Variants in DAB1 observed in about 807,000 individuals in gnomAD.
The protein encoded by DAB1 is DAB adaptor protein 1.
DAB1 carries 15 observed loss-of-function variants against 64.6 expected under a neutral mutation model. The ratio of observed to expected loss-of-function variants is 0.23; its 90% CI spans 0.16 to 0.36. The LOEUF (loss-of-function observed/expected upper bound fraction) is 0.36, where lower values mean the gene tolerates loss of function less well. Ranked by LOEUF, DAB1 falls within the 10% of genes least tolerant of loss-of-function variation. The probability of loss-of-function intolerance (pLI) is 1.00; values close to 1 mark genes in which losing one functional copy is unlikely to be tolerated. For synonymous variants in DAB1, 235 were observed against 251.9 expected (o/e 0.93, Z 0.64); for missense variants, 596 against 706.7 (o/e 0.84, Z 1.78).
At chr1:57,714,440 G>A (rs374574894) in intron 6 of DAB1, among the ~76,000 whole-genome samples, 3 of 152,288 alleles carry the variant, frequency 2.0e-5, no homozygotes, top group East Asian at 1.9e-4. Flanking sequence ...GAACCTCAGG[G>A]TGATAATAGT....
intron 7 of DAB1, among the ~76,000 whole-genome samples, chr1:57,518,188 G>GTCGTCA (rs1644485020): frequency 6.6e-6 from 1 of 151,484 alleles, no homozygotes; most frequent in Non-Finnish European, 1.5e-5. Flanking sequence ...TGTCGTTGTC[G>GTCGTCA]TCATCATCAT....
At chr1:57,527,665 A>T (rs1644609336) in intron 7 of DAB1, among the ~76,000 whole-genome samples, 1 of 152,206 alleles carries the variant, frequency 6.6e-6, no homozygotes. Flanking sequence ...ATTTGCACAG[A>T]GCACTGTGCT....
intron 1 of DAB1, chr1:57,864,381 A>T (rs1297468665): frequency 2.6e-5 from 4 of 152,222 alleles, no homozygotes; most frequent in Non-Finnish European, 5.9e-5. Context: ...TGCTTAGAGC[A>T]ACTCCATAAG....
chr1:58,269,165 T>A (rs12747523), intron 4 of DAB1, among the ~76,000 whole-genome samples: 2 of 99,152 alleles, frequency 2.0e-5, no homozygotes, highest in African/African-American at 6.9e-5. Flanking sequence ...CCCTCCCCCC[T>A]CCCCCGACCC....
chr1:58,323,488 C>T lies in DAB1; in HGVS notation n.309+19864G>A, dbSNP rs116251180. ...GTAAGCTTTAAATTAACTTAGACAT[C>T]CACGGAAAGGCCTCCTTAAGAGGCA... On this transcript the variant is annotated intron_variant and non_coding_transcript_variant, in intron 4 of 20. Transcript: ENST00000485760. 2.1e-3 allele frequency among the ~76,000 whole-genome samples: 312 copies of T among 152,134 alleles called. 1 individual carries two copies. Among genetic ancestry groups the T allele is most frequent in the African/African-American group, 7.4e-3 (306 of 41,488 alleles).
At chr1:57,985,757 C>T (rs951973998) in intron 5 of DAB1, among the ~76,000 whole-genome samples, 4 of 151,952 alleles carry the variant, frequency 2.6e-5, no homozygotes, top group East Asian at 1.9e-4. Context: ...GACCTAATAG[C>T]GGAGAAAATA....
At chr1:58,532,805 T>C (rs1483634695) in intron 1 of DAB1, among the ~76,000 whole-genome samples, 1 of 152,188 alleles carries the variant, frequency 6.6e-6, no homozygotes, top group Non-Finnish European at 1.5e-5. Context: ...GGATTACAGG[T>C]ATAAGCCACT....
At chr1:58,534,219 G>C in intron 1 of DAB1, 1 of 871,810 alleles carries the variant, frequency 1.1e-6, no homozygotes, top group Non-Finnish European at 2.0e-6. Flanking sequence ...ATTGATCTGA[G>C]AGATCCCTGG....
intron 4 of DAB1, among the ~76,000 whole-genome samples, chr1:58,160,206 G>A (rs1655453987): frequency 6.6e-6 from 1 of 152,064 alleles, no homozygotes; most frequent in African/African-American, 2.4e-5. Context: ...AAGGAGGGGT[G>A]GTAAGAGCTG....
intron 5 of DAB1, among the ~76,000 whole-genome samples, chr1:57,909,741 C>T (rs773403028): frequency 7.2e-5 from 11 of 152,048 alleles, no homozygotes; most frequent in Admixed American, 2.0e-4. Context: ...AAATAAATTG[C>T]GTATATTATC....
At chr1:58,539,203 A>T (rs375694565) in intron 1 of DAB1, 21 of 872,798 alleles carry the variant, frequency 2.4e-5, no homozygotes, top group Non-Finnish European at 4.2e-5. Context: ...GGTGGATGCT[A>T]ATGTGTTACA....
At chr1:57,293,527 C>G (rs1672952696) in intron 1 of DAB1, among the ~76,000 whole-genome samples, 1 of 152,102 alleles carries the variant, frequency 6.6e-6, no homozygotes. Context: ...TCCTGGTAAG[C>G]ATTTAATAAA....
In DAB1 at chr1:57,423,976, A is replaced by G. The variant is rs890271631; in HGVS notation, c.-183T>C. ...TCCTCCGCTGCCGCAGCCGCCCAGG[A>G]AGCGGCTCCCCATGCCCGGCGGGCG... On this transcript the variant is annotated 5_prime_UTR_variant, in exon 1 of 15. Transcript: ENST00000371236. The G allele has an allele frequency of 6.6e-6, 1 of 151,948 alleles. No individual in the cohort carries two copies. Among genetic ancestry groups the G allele is most frequent in the Admixed American group, 6.6e-5 (1 of 15,248 alleles). The allele number at this position is 151,948 out of a possible 1,614,324, so 9.4% of individuals were successfully genotyped here.
At chr1:57,034,155 C>T (rs1188789449) in intron 9 of DAB1, among the ~76,000 whole-genome samples, 1 of 151,952 alleles carries the variant, frequency 6.6e-6, no homozygotes, top group Non-Finnish European at 1.5e-5. Flanking sequence ...TGGCAGGCGC[C>T]TGTAATCCCA....
chr1:58,041,587 C>T (rs941895481), intron 5 of DAB1, among the ~76,000 whole-genome samples: 1 of 152,192 alleles, frequency 6.6e-6, no homozygotes, highest in African/African-American at 2.4e-5. Flanking sequence ...TAAGCTCACA[C>T]AGCTAACAAG....
intron 6 of DAB1, among the ~76,000 whole-genome samples, chr1:57,660,071 T>C (rs1012889121): frequency 6.6e-6 from 1 of 151,610 alleles, no homozygotes; most frequent in Non-Finnish European, 1.5e-5. Context: ...AAAGAACACA[T>C]AATAAAAATG....
At chr1:58,300,632 GA>G (rs1557726175) in intron 4 of DAB1, among the ~76,000 whole-genome samples, 8,651 of 68,250 alleles carry the variant, frequency 0.13, 1,168 homozygotes, top group Non-Finnish European at 0.18. Context: ...GAGAGAGAGA[GA>G]GAGAGAGAGA....
intron 1 of DAB1, chr1:58,538,944 A>G (rs1281144432): frequency 2.3e-6 from 2 of 872,928 alleles, no homozygotes; most frequent in Non-Finnish European, 2.0e-6. Flanking sequence ...CTGACAGACT[A>G]GGGACTGCTG....
rs1390094548 is a variant in DAB1 at position 57,072,372 on chromosome 1, C to T, written c.349G>A (p.Ala117Thr). ...HHAVHEISYI[A>T]KDITDHRAFG... ...GCCCGGTGATCTGTAATGTCCTTTG[C>T]AATGTAGGATATTTCATGAACAGCA... is the stretch of plus-strand genomic sequence containing the variant. Residue 117 changes from alanine (A) to threonine (T), a missense_variant, in exon 5 of 15, where the codon GCA becomes ACA. By Grantham distance (58) the Ala-to-Thr change is moderately conservative. This residue lies in a region of DAB1 where 176 missense variants were observed against 266.7 expected (regional missense o/e 0.66). Transcript: ENST00000371236. The T allele has an allele frequency of 6.2e-7, 1 of 1,613,526 alleles. No individual in the cohort carries two copies. Among genetic ancestry groups the T allele is most frequent in the South Asian group, 1.1e-5 (1 of 91,058 alleles).
Sources: allele counts gnomAD v4.1 joint callset (sites outside exome capture counted in the v4.1 genomes callset), GRCh38; gene constraint gnomAD v4.1.1; regional missense constraint gnomAD v4.1.1; transcripts MANE v1.5; gene names NCBI Gene and HGNC (gene_info 2026-07-23, HGNC 2026-07-21).